Variants in SOX6 observed in about 807,000 individuals in gnomAD.
The protein encoded by SOX6 is SRY-box transcription factor 6.
A neutral mutation model predicts 97.8 loss-of-function variants in SOX6; 11 were observed. That is an observed-to-expected ratio of 0.11 (90% CI 0.07 to 0.19). The LOEUF (loss-of-function observed/expected upper bound fraction) is 0.19, where lower values mean the gene tolerates loss of function less well. Ranked by LOEUF, SOX6 falls within the 10% of genes least tolerant of loss-of-function variation. The pLI is 1.00. For missense variants in SOX6, 810 were observed against 1,039.5 expected (o/e 0.78, Z 3.04); for synonymous variants, 360 against 371.4 (o/e 0.97, Z 0.35).
chr11:16,363,081 A>G (rs1857250585), intron 1 of SOX6, among the ~76,000 whole-genome samples: 1 of 152,188 alleles, frequency 6.6e-6, no homozygotes, highest in African/African-American at 2.4e-5. Flanking sequence ...AGTGAACAAG[A>G]TAAAATACCT....
chr11:16,127,500 G>T (rs1389472500), intron 6 of SOX6, among the ~76,000 whole-genome samples: 2 of 152,108 alleles, frequency 1.3e-5, no homozygotes, highest in South Asian at 2.1e-4. Context: ...TAAGAAAACA[G>T]ATGCTATAAC....
chr11:16,046,870 C>A (rs373157524), intron 11 of SOX6, among the ~76,000 whole-genome samples, 169 bp from the exon 12 acceptor site: 1 of 152,246 alleles, frequency 6.6e-6, no homozygotes, highest in African/African-American at 2.4e-5. Context: ...GCCAGGGCAA[C>A]CAAGCTGTGC....
chr11:16,026,245 G>A (rs565470129), intron 12 of SOX6, among the ~76,000 whole-genome samples: 4 of 152,056 alleles, frequency 2.6e-5, no homozygotes, highest in Middle Eastern at 3.4e-3. Context: ...ATAAAATCAC[G>A]CCTAAAAAAA....
At chr11:16,232,632 A>G (rs1472905807) in intron 4 of SOX6, among the ~76,000 whole-genome samples, 2 of 151,990 alleles carry the variant, frequency 1.3e-5, no homozygotes, top group Non-Finnish European at 2.9e-5. Context: ...AAGTACAAAA[A>G]CTCCATGTTG....
rs901487722 is a variant in SOX6 at position 16,414,934 on chromosome 11, T to C, written c.-5+61381A>G. ...TATATTTTAATGCATTGTTATTCAA[T>C]ATTAGAAGATTCTGAGAGCTATAAA... On this transcript the variant is annotated intron_variant, in intron 1 of 15. Coordinates refer to the SOX6 transcript ENST00000396356. Among the ~76,000 whole-genome samples the C allele has an allele frequency of 4.1e-4, 62 of 152,174 alleles. 1 individual carries two copies. Among genetic ancestry groups the C allele is most frequent in the African/African-American group, 2.2e-4 (9 of 41,446 alleles).
At chr11:16,560,456 CAT>C (rs1300962512) in intron 4 of SOX6, among the ~76,000 whole-genome samples, 10 of 145,756 alleles carry the variant, frequency 6.9e-5, no homozygotes, top group East Asian at 2.0e-4. Context: ...TTTATACGTA[CAT>C]ATATGTTTAT....
At chr11:16,174,809 A>G (rs1358758612) in intron 6 of SOX6, among the ~76,000 whole-genome samples, 1 of 152,086 alleles carries the variant, frequency 6.6e-6, no homozygotes, top group Non-Finnish European at 1.5e-5. Context: ...TTAAAAAGCT[A>G]TAAAATAAAT....
intron 4 of SOX6, among the ~76,000 whole-genome samples, chr11:16,589,423 T>A (rs1421040338): frequency 6.6e-6 from 1 of 152,172 alleles, no homozygotes; most frequent in South Asian, 2.1e-4. Context: ...AAGAGAATGA[T>A]TGTAGATAAT....
chr11:16,569,831 T>A (rs993478215), intron 4 of SOX6, among the ~76,000 whole-genome samples: 4 of 132,924 alleles, frequency 3.0e-5, no homozygotes, highest in Non-Finnish European at 6.1e-5. Context: ...ATAGCGCCAC[T>A]GCACTCCAGC....
intron 1 of SOX6, among the ~76,000 whole-genome samples, chr11:16,473,023 A>G (rs7945007): frequency 0.16 from 24,587 of 152,220 alleles, 2,026 homozygotes; most frequent in Non-Finnish European, 0.17. Context: ...TACCTGCTAC[A>G]TACTCTATAG....
intron 13 of SOX6, 117 bp downstream of exon 13, chr11:16,014,825 T>G (rs1854833323): frequency 2.2e-6 from 2 of 916,454 alleles, no homozygotes; most frequent in Non-Finnish European, 3.5e-6. Flanking sequence ...TCCTTTGCTT[T>G]GCCTAAGAAA....
chr11:16,547,659 T>A (rs1357503430), intron 4 of SOX6, among the ~76,000 whole-genome samples: 2 of 151,914 alleles, frequency 1.3e-5, no homozygotes, highest in Non-Finnish European at 2.9e-5. Context: ...GAATGAGAAG[T>A]TGGTTAATGG....
At chr11:16,471,414 T>G (rs1436079930) in intron 1 of SOX6, among the ~76,000 whole-genome samples, 1 of 151,762 alleles carries the variant, frequency 6.6e-6, no homozygotes, top group Non-Finnish European at 1.5e-5. Context: ...CCATTCATTA[T>G]GGATGTGCAA....
intron 4 of SOX6, among the ~76,000 whole-genome samples, chr11:16,486,182 T>C (rs887024495): frequency 3.3e-5 from 5 of 152,028 alleles, no homozygotes; most frequent in Non-Finnish European, 5.9e-5. Context: ...AAATTTGTAT[T>C]TTGACGTCTT....
In SOX6 at chr11:16,536,281, T is replaced by C. The variant is rs572325362; in HGVS notation, n.610-59893A>G. Among the ~76,000 whole-genome samples the C allele has an allele frequency of 2.7e-3, 404 of 152,316 alleles. 4 individuals carry two copies. Among genetic ancestry groups the C allele is most frequent in the Non-Finnish European group, 3.7e-3 (254 of 68,024 alleles). On this transcript the variant is annotated intron_variant and non_coding_transcript_variant, in intron 4 of 5. Coordinates refer to the SOX6 transcript ENST00000524520. ...CAAAATCTGCTGCTGGCAATAATAG[T>C]ATGATGGTTATTTGATGTTTGTTAT...
intron 4 of SOX6, among the ~76,000 whole-genome samples, chr11:16,544,474 G>A (rs146365881): frequency 1.1e-4 from 16 of 152,144 alleles, no homozygotes; most frequent in African/African-American, 3.6e-4. Context: ...TGACTAGGCT[G>A]GTCTCAAACT....
At chr11:16,362,852 G>A (rs912790091) in intron 1 of SOX6, among the ~76,000 whole-genome samples, 3 of 152,180 alleles carry the variant, frequency 2.0e-5, no homozygotes, top group Non-Finnish European at 4.4e-5. Context: ...GGAATGACAA[G>A]TCAGACACTT....
At chr11:16,423,250 T>G (rs1590197340) in intron 1 of SOX6, among the ~76,000 whole-genome samples, 1 of 152,334 alleles carries the variant, frequency 6.6e-6, no homozygotes, top group South Asian at 2.1e-4. Context: ...GGAGCTCTTC[T>G]TCCAGTACTT....
chr11:16,146,243 A>C (rs1481899200), intron 6 of SOX6, among the ~76,000 whole-genome samples: 9 of 152,090 alleles, frequency 5.9e-5, no homozygotes, highest in African/African-American at 1.7e-4. Flanking sequence ...CAAAAACAAG[A>C]AATGGGGAAA....
Sources: gnomAD v4.1 joint callset for allele counts (sites outside exome capture counted in the v4.1 genomes callset) on GRCh38, gnomAD v4.1.1 for gene constraint, MANE v1.5 for transcripts, NCBI Gene and HGNC (gene_info 2026-07-23, HGNC 2026-07-21) for gene names.